SORBS2: variants seen among roughly 807,000 people sequenced by gnomAD.
The protein encoded by SORBS2 is sorbin and SH3 domain-containing protein 2.
A neutral mutation model predicts 97.7 loss-of-function variants in SORBS2; 46 were observed. That is an observed-to-expected ratio of 0.47 (90% CI 0.37 to 0.60). The LOEUF is 0.60. SORBS2 is among the 20% of genes least tolerant of loss of function. SORBS2 has a pLI of 0.00. For missense variants in SORBS2, 1,316 were observed against 1,282.3 expected (o/e 1.03, Z -0.40); for synonymous variants, 476 against 473.4 (o/e 1.01, Z -0.07).
At chr4:185,613,177 C>T (rs889849209) in intron 11 of SORBS2, among the ~76,000 whole-genome samples, 4 of 152,182 alleles carry the variant, frequency 2.6e-5, no homozygotes, top group Admixed American at 6.5e-5. Context: ...GGCAGCGGCA[C>T]CTGATGGTGT....
At chr4:185,737,369 ATG>A (rs2098694296) in intron 2 of SORBS2, among the ~76,000 whole-genome samples, 1 of 152,140 alleles carries the variant, frequency 6.6e-6, no homozygotes, top group Admixed American at 6.5e-5. Context: ...AGGGTCAGGA[ATG>A]TGTCTGCTCC....
At chr4:185,704,092 T>C (rs563899129) in intron 2 of SORBS2, among the ~76,000 whole-genome samples, 1 of 152,328 alleles carries the variant, frequency 6.6e-6, no homozygotes, top group Non-Finnish European at 1.5e-5. Context: ...GCACTTTGCT[T>C]AAGAATCTAG....
intron 2 of SORBS2, among the ~76,000 whole-genome samples, chr4:185,726,987 C>G (rs1432163404): frequency 1.4e-4 from 21 of 152,096 alleles, no homozygotes; most frequent in Admixed American, 9.2e-4. Context: ...GAGGCTATTA[C>G]AGAGAATCAA....
At chr4:185,939,301 C>T (rs527468217) in intron 1 of SORBS2, among the ~76,000 whole-genome samples, 49 of 152,240 alleles carry the variant, frequency 3.2e-4, no homozygotes, top group South Asian at 4.2e-4. Context: ...CAAATTCTTC[C>T]GTGCAATTGT....
intron 1 of SORBS2, among the ~76,000 whole-genome samples, chr4:185,901,535 T>C (rs1001463130): frequency 2.0e-5 from 3 of 152,166 alleles, no homozygotes; most frequent in Non-Finnish European, 4.4e-5. Flanking sequence ...AATAAACTTA[T>C]GGCAGAAATA....
chr4:185,738,482 T>C (rs966958475), intron 2 of SORBS2, among the ~76,000 whole-genome samples: 3 of 152,218 alleles, frequency 2.0e-5, no homozygotes, highest in Admixed American at 6.5e-5. Flanking sequence ...AGTTTCGAAA[T>C]ATTTTTAAGC....
intron 2 of SORBS2, among the ~76,000 whole-genome samples, chr4:185,707,143 T>A (rs1157693242): frequency 6.6e-6 from 1 of 152,212 alleles, no homozygotes; most frequent in Non-Finnish European, 1.5e-5. Flanking sequence ...TATTACATAT[T>A]ACACATATAT....
At chr4:185,889,399 G>A (rs895179222) in intron 1 of SORBS2, among the ~76,000 whole-genome samples, 3 of 150,742 alleles carry the variant, frequency 2.0e-5, no homozygotes, top group Admixed American at 1.3e-4. Flanking sequence ...CACCATTCAC[G>A]CATTCTAAAT....
intron 1 of SORBS2, among the ~76,000 whole-genome samples, chr4:185,893,445 G>A (rs1169032445): frequency 1.3e-5 from 2 of 152,220 alleles, no homozygotes; most frequent in Admixed American, 6.5e-5. Context: ...TATTCTCCAA[G>A]ATACTGGGAG....
intron 2 of SORBS2, among the ~76,000 whole-genome samples, chr4:185,695,133 T>G (rs2098158169): frequency 6.6e-6 from 1 of 152,188 alleles, no homozygotes; most frequent in African/African-American, 2.4e-5. Context: ...CCTAAGGAGT[T>G]TGATCCTGCA....
At chr4:185,729,895 T>C (rs1305939921) in intron 2 of SORBS2, among the ~76,000 whole-genome samples, 1 of 152,262 alleles carries the variant, frequency 6.6e-6, no homozygotes, top group Non-Finnish European at 1.5e-5. Flanking sequence ...CATTGGGGTG[T>C]ATTGTAATTT....
chr4:185,793,360 C>CTCCAGATA (rs2099090139), intron 1 of SORBS2, among the ~76,000 whole-genome samples: 1 of 152,200 alleles, frequency 6.6e-6, no homozygotes, highest in Non-Finnish European at 1.5e-5. Flanking sequence ...ATCCTGTCAT[C>CTCCAGATA]ATTTTTGCCG....
chr4:185,731,870 A>C (rs949074649), intron 2 of SORBS2, among the ~76,000 whole-genome samples: 1,594 of 15,992 alleles, frequency 0.1, 12 homozygotes, highest in Non-Finnish European at 0.12. Flanking sequence ...CTCTCTCTAT[A>C]TATATATATA....
chr4:185,799,657 T>C (rs1363838066), intron 1 of SORBS2, among the ~76,000 whole-genome samples: 1 of 152,106 alleles, frequency 6.6e-6, no homozygotes, highest in Non-Finnish European at 1.5e-5. Flanking sequence ...AGCACAGGAA[T>C]TTGGAAGAGA....
At chr4:185,841,985 T>TC (rs1184508229) in intron 1 of SORBS2, among the ~76,000 whole-genome samples, 1 of 152,176 alleles carries the variant, frequency 6.6e-6, no homozygotes, top group Non-Finnish European at 1.5e-5. Context: ...GAACATCTAC[T>TC]CCGTGCTCAG....
intron 2 of SORBS2, among the ~76,000 whole-genome samples, chr4:185,744,464 C>T (rs75208312): frequency 0.012 from 1,833 of 152,224 alleles, 25 homozygotes; most frequent in Non-Finnish European, 0.018. Context: ...CTCTGCATCA[C>T]GAAACGAGAT....
At chr4:185,596,803 G>T (rs2096109740) in intron 12 of SORBS2, among the ~76,000 whole-genome samples, 1 of 152,056 alleles carries the variant, frequency 6.6e-6, no homozygotes, top group Admixed American at 6.5e-5. Context: ...AAAGTGCTGG[G>T]ATTACAGGCG....
At chr4:185,639,301 A>G (rs927332082) in intron 4 of SORBS2, among the ~76,000 whole-genome samples, 1 of 152,134 alleles carries the variant, frequency 6.6e-6, no homozygotes, top group Non-Finnish European at 1.5e-5. Flanking sequence ...AATACCGTGG[A>G]TGGCGGGGAA....
chr4:185,758,460 A>G (rs899559234), intron 2 of SORBS2, among the ~76,000 whole-genome samples: 2 of 151,754 alleles, frequency 1.3e-5, no homozygotes, highest in Admixed American at 1.3e-4. Flanking sequence ...TGGCCTCTCA[A>G]TCTTGGAGGT....
Sources: allele counts gnomAD v4.1 joint callset (sites outside exome capture counted in the v4.1 genomes callset), GRCh38; gene constraint gnomAD v4.1.1; transcripts MANE v1.5; gene names NCBI Gene and HGNC (gene_info 2026-07-23, HGNC 2026-07-21).